The following NKD2 variants were observed in gnomAD, a reference collection of about 807,000 sequenced individuals.
NKD2 encodes protein naked cuticle homolog 2.
In NKD2, 43 loss-of-function variants were observed where a neutral mutation model predicts 34.8. That is an observed-to-expected ratio of 1.24 (90% confidence interval 0.97 to 1.60). NKD2 has a LOEUF of 1.60. Among genes scored for constraint, NKD2 ranks in the 40% most tolerant of loss-of-function variants. NKD2 has a pLI of 0.00. For missense variants in NKD2, 675 were observed against 627.1 expected (o/e 1.08, Z -0.82); for synonymous variants, 278 against 265.1 (o/e 1.05, Z -0.47).
Position 1,009,108 on chromosome 5 carries a change from A to C in NKD2, c.25+26A>C, listed in dbSNP as rs868594841. 1.1e-4 allele frequency: 15 copies of C among 130,956 alleles called. No individual in the cohort carries two copies. Among genetic ancestry groups the C allele is most frequent in the African/African-American group, 3.5e-4 (2 of 5,732 alleles). The allele number at this position is 130,956 out of a possible 1,614,324, so 8.1% of individuals were successfully genotyped here. A position where few individuals can be genotyped will look rare whatever the true frequency, so the allele number is the denominator to read the frequency against. ...GTGAGCCGCGGGCCGGTAGGGCGGG[A>C]GGGCGGGCGGGCGGGCGTGGGGCCG... On this transcript the variant is annotated intron_variant, in intron 1 of 9. Transcript: ENST00000296849. This position sits in a 1 kb window ranked among gnomAD's most constrained non-coding sequence, Gnocchi z 6.9.
chr5:1,034,296 A>C lies in NKD2; in HGVS notation c.392A>C (p.Tyr131Ser). ...CGCCAGGAGTGGACGTTCACGCTCT[A>C]TGACTTTGACAACTGCGGGAAGGTC... Reference protein sequence around the residue: ...DDRQEWTFTLYDFDNCGKVTR... With the variant: ...DDRQEWTFTLSDFDNCGKVTR... Residue 131 changes from tyrosine (Y) to serine (S), a missense_variant, in exon 6 of 10, where the codon TAT (tyrosine) becomes TCT (serine). Physicochemically the swap from Tyr to Ser is moderately radical, Grantham distance 144 (BLOSUM62 -2). Coordinates refer to ENST00000296849, the MANE Select transcript of NKD2 (RefSeq NM_033120.4). 6.2e-7 allele frequency: 1 copy of C among 1,612,850 alleles called. No homozygotes were observed. The highest frequency in any genetic ancestry group is 1.1e-5 in the South Asian group (1 of 91,002).
intron 3 of NKD2, among the ~76,000 whole-genome samples, chr5:1,021,774 G>A (rs1057397621): frequency 7.2e-5 from 11 of 152,036 alleles, no homozygotes; most frequent in Admixed American, 2.0e-4. Flanking sequence ...CGCAGACGCC[G>A]GTGGCAGGTT....
chr5:1,010,808 G>T (rs1310315455), intron 3 of NKD2, among the ~76,000 whole-genome samples: 1 of 152,190 alleles, frequency 6.6e-6, no homozygotes, highest in African/African-American at 2.4e-5. Flanking sequence ...ACCTGGGGTG[G>T]GCGGGCGTTC....
At chr5:1,036,963 G>A (rs553045010) in intron 9 of NKD2, 5 of 357,462 alleles carry the variant, frequency 1.4e-5, no homozygotes, top group South Asian at 4.8e-5. Flanking sequence ...GTGGACGGCG[G>A]GCAGTGTGGA....
At position 1,009,232 on chromosome 5, in the gene NKD2, C is replaced by CGGGCG. The variant is rs1418748812; in HGVS notation, c.61+27_61+31dup. On this transcript the variant is annotated intron_variant, in intron 2 of 9. Transcript: ENST00000296849. The surrounding 1 kb of genome is among the most constrained non-coding windows in gnomAD (Gnocchi z 6.9). Reference sequence around the variant, plus strand: ...CCCGGAAGGTGAGCGGGCGAGCCGACGGGCGGGGCGGGGGGCGGCGACCCG... The same window carrying CGGGCG: ...CCCGGAAGGTGAGCGGGCGAGCCGACGGGCGGGGCGGGGCGGGGGGCGGCGACCCG... 2 of 455,476 alleles carry CGGGCG rather than the reference C, an allele frequency of 4.4e-6. No individual in the cohort carries two copies. The highest frequency in any genetic ancestry group is 3.8e-6 in the Non-Finnish European group (1 of 260,880). 28.2% of individuals were successfully genotyped at this position (455,476 alleles called of 1,614,324 possible).
chr5:1,014,462 G>A (rs1468627587), intron 3 of NKD2, among the ~76,000 whole-genome samples: 1 of 152,208 alleles, frequency 6.6e-6, no homozygotes, highest in Admixed American at 6.5e-5. Context: ...CCATCCACGA[G>A]TGCCCTTCGG....
chr5:1,026,655 C>T (rs1318154364), intron 3 of NKD2, among the ~76,000 whole-genome samples: 1 of 152,388 alleles, frequency 6.6e-6, no homozygotes, highest in Admixed American at 6.5e-5. Context: ...ACATCACCCT[C>T]AGCCTTTTCC....
rs1223339455 is a variant in NKD2, at chr5:1,028,501, G to T, written c.142-3651G>T. Among the ~76,000 whole-genome samples, 4 of 152,146 alleles carry T rather than the reference G, an allele frequency of 2.6e-5. 1 individual carries two copies. The highest frequency in any genetic ancestry group is 4.8e-5 in the African/African-American group (2 of 41,438). ...TCCTTATGGGATGAGGCCCCACGGG[G>T]CAGGCCCACGGTCGGGTTCCTGTCC... On this transcript the variant is annotated intron_variant, in intron 3 of 9. Transcript: ENST00000296849.
chr5:1,014,124 G>A (rs1171788999), intron 3 of NKD2, among the ~76,000 whole-genome samples: 2 of 152,244 alleles, frequency 1.3e-5, no homozygotes, highest in East Asian at 3.8e-4. Context: ...GCTGCACCCT[G>A]TTCTCCTCAG....
intron 3 of NKD2, among the ~76,000 whole-genome samples, chr5:1,031,804 A>G (rs1209332534): frequency 1.3e-5 from 2 of 151,940 alleles, no homozygotes; most frequent in African/African-American, 4.8e-5. Flanking sequence ...CCCCAGAGCA[A>G]AGGGGCAGTG....
intron 3 of NKD2, among the ~76,000 whole-genome samples, chr5:1,010,622 G>A (rs1051468436): frequency 2.8e-4 from 43 of 152,172 alleles, no homozygotes; most frequent in Non-Finnish European, 5.0e-4. Flanking sequence ...AGTAAGTTGG[G>A]TGGTCCTGTG....
intron 3 of NKD2, among the ~76,000 whole-genome samples, chr5:1,010,942 G>A (rs542647248): frequency 2.0e-4 from 30 of 152,314 alleles, no homozygotes; most frequent in African/African-American, 7.0e-4. Context: ...TCACCATGAA[G>A]TGCAGCTCCC....
intron 3 of NKD2, among the ~76,000 whole-genome samples, chr5:1,011,922 G>A (rs554596106): frequency 6.6e-6 from 1 of 152,364 alleles, no homozygotes; most frequent in East Asian, 1.9e-4. Flanking sequence ...TCCCTGAAGG[G>A]CTAGGGCCAT....
chr5:1,021,890 C>T (rs961446639), intron 3 of NKD2, among the ~76,000 whole-genome samples: 13 of 152,276 alleles, frequency 8.5e-5, no homozygotes, highest in Non-Finnish European at 1.6e-4. Context: ...GCCTTGGAAA[C>T]CACTGCTCCC....
At chr5:1,013,958 A>T (rs1226844022) in intron 3 of NKD2, among the ~76,000 whole-genome samples, 1 of 152,084 alleles carries the variant, frequency 6.6e-6, no homozygotes, top group Non-Finnish European at 1.5e-5. Context: ...TCCCTGCCAC[A>T]GGGCCTTGGG....
Position 1,035,369 on chromosome 5 carries a change from T to C in NKD2, c.575-20T>C. 6.5e-7 allele frequency: 1 copy of C among 1,549,138 alleles called. No individual in the cohort carries two copies. Among genetic ancestry groups the C allele is most frequent in the Non-Finnish European group, 8.7e-7 (1 of 1,144,392 alleles). On this transcript the variant is annotated intron_variant, in intron 7 of 9. Transcript: ENST00000296849. ...AATGAAGGAGGGAGGGAGTGAGTAA[T>C]GGCAGGACCCCCCTTTCAGACCGGG...
chr5:1,015,728 C>G (rs1256291088), intron 3 of NKD2, among the ~76,000 whole-genome samples: 1 of 152,238 alleles, frequency 6.6e-6, no homozygotes. Flanking sequence ...CTGCTCCCAG[C>G]AGGACTGCAG....
chr5:1,028,802 C>T (rs868365123), intron 3 of NKD2, among the ~76,000 whole-genome samples: 8 of 138,112 alleles, frequency 5.8e-5, no homozygotes, highest in Non-Finnish European at 1.1e-4. Flanking sequence ...GTTGGGCCCT[C>T]GGGAGGGAGT....
chr5:1,025,819 A>C, intron 3 of NKD2, among the ~76,000 whole-genome samples: 1 of 88,020 alleles, frequency 1.1e-5, no homozygotes. Context: ...TGCTCTTCCC[A>C]CCCGCTAGTG....
Sources: allele counts gnomAD v4.1 joint callset (sites outside exome capture counted in the v4.1 genomes callset), GRCh38; gene constraint gnomAD v4.1.1; non-coding constraint Gnocchi (gnomAD v3.1); transcripts MANE v1.5; gene names NCBI Gene and HGNC (gene_info 2026-07-23, HGNC 2026-07-21).